Variants in FGD1 observed in about 807,000 individuals in gnomAD.
FGD1 encodes the protein FYVE, RhoGEF and PH domain containing 1.
A neutral mutation model predicts 65.0 loss-of-function variants in FGD1; 12 were observed. That is an observed-to-expected ratio of 0.18 (90% CI 0.12 to 0.30). The LOEUF (loss-of-function observed/expected upper bound fraction) is 0.30. Among genes scored for constraint, FGD1 ranks in the 10% least tolerant of loss-of-function variants. The probability of loss-of-function intolerance (pLI) is 1.00; values close to 1 mark genes in which losing one functional copy is unlikely to be tolerated. For synonymous variants in FGD1, 333 were observed against 343.9 expected, an observed-to-expected ratio of 0.97 and a Z score of 0.35; for missense variants, 542 against 837.6, an observed-to-expected ratio of 0.65 and a Z score of 4.36.
At chrX:54,466,240 G>T (rs12833289) in intron 6 of FGD1, among the ~76,000 whole-genome samples, 3 of 111,907 alleles carry the variant, frequency 2.7e-5, no homozygotes, top group African/African-American at 9.7e-5. Context: ...GAGACAAAGA[G>T]ACCAGGCCTG....
At chrX:54,469,811 TGTAA>T (rs893287293) in intron 4 of FGD1, among the ~76,000 whole-genome samples, 7 of 111,941 alleles carry the variant, frequency 6.3e-5, no homozygotes, top group South Asian at 7.5e-4. Flanking sequence ...TCTCTATGGA[TGTAA>T]GTAAGAGACT....
chrX:54,494,402 CTTTT>C (rs56235590), intron 1 of FGD1, among the ~76,000 whole-genome samples: 2 of 60,728 alleles, frequency 3.3e-5, no homozygotes, highest in East Asian at 6.8e-4. Context: ...CACCGTCTTT[CTTTT>C]TTTTTTTTTT....
At chrX:54,462,445 T>C (rs1464098743) in intron 8 of FGD1, among the ~76,000 whole-genome samples, 1 of 100,553 alleles carries the variant, frequency 9.9e-6, no homozygotes, top group African/African-American at 3.7e-5. Context: ...CAGGTTGGAG[T>C]GCAGTGGCAC....
intron 6 of FGD1, among the ~76,000 whole-genome samples, 195 bp from the exon 7 acceptor site, chrX:54,466,047 A>G (rs1922751146): frequency 8.9e-6 from 1 of 111,981 alleles, no homozygotes; most frequent in Non-Finnish European, 1.9e-5. Flanking sequence ...ACTTCAGACC[A>G]CAGCCTGGGA....
chrX:54,450,047 T>C (rs763003830), intron 13 of FGD1, among the ~76,000 whole-genome samples: 2 of 111,695 alleles, frequency 1.8e-5, no homozygotes, highest in African/African-American at 6.5e-5. Context: ...CCTCACCTTA[T>C]ACACCCTCAG....
intron 17 of FGD1, 31 bp from the exon 18 acceptor site, chrX:54,446,445 C>G: frequency 8.5e-7 from 1 of 1,182,569 alleles, no homozygotes; most frequent in Non-Finnish European, 1.1e-6. Flanking sequence ...GCTGGGGCCA[C>G]CTTGGGGCTA....
At chrX:54,454,219 C>CG (rs1922443056) in intron 12 of FGD1, among the ~76,000 whole-genome samples, 1 of 111,795 alleles carries the variant, frequency 8.9e-6, no homozygotes, top group Non-Finnish European at 1.9e-5. Flanking sequence ...GTCTAGCCTA[C>CG]GACACACCTA....
intron 1 of FGD1, among the ~76,000 whole-genome samples, chrX:54,488,331 A>G (rs758896622): frequency 1.4e-4 from 14 of 99,730 alleles, no homozygotes; most frequent in African/African-American, 5.4e-4. Context: ...CACGCCTGTA[A>G]TCCCAGCACT....
At chrX:54,475,407 C>T (rs1014290232) in intron 1 of FGD1, among the ~76,000 whole-genome samples, 2 of 111,765 alleles carry the variant, frequency 1.8e-5, no homozygotes, top group Non-Finnish European at 3.8e-5. Context: ...CCAGGAGGGG[C>T]GGGTGGACCC....
intron 1 of FGD1, among the ~76,000 whole-genome samples, chrX:54,474,477 G>A (rs952968553): frequency 7.1e-5 from 8 of 112,744 alleles, no homozygotes; most frequent in African/African-American, 2.6e-4. Context: ...CAGCACTGAG[G>A]GAACAGGGTG....
rs1350170293 is a variant in FGD1 at position 54,449,033 on chromosome X, C to T, written c.2275-66G>A. 6.7e-6 allele frequency: 8 copies of T among 1,200,621 alleles called. No homozygotes were observed. The African/African-American group carries it at 1.4e-4, about 21-fold the overall frequency. On this transcript the variant is annotated intron_variant, in intron 15 of 17. Coordinates refer to ENST00000375135, the MANE Select transcript of FGD1 (RefSeq NM_004463.3). ...GTCTTCCCTTCAGCATACCAACTCC[C>T]ACAGCAGACTTGTGGCCTCCCCCCA...
At chrX:54,458,366 C>T (rs949547344) in intron 8 of FGD1, among the ~76,000 whole-genome samples, 2 of 109,786 alleles carry the variant, frequency 1.8e-5, no homozygotes. Flanking sequence ...CATGGCAAAA[C>T]CCCGTCTCTA....
chrX:54,490,002 A>G (rs1923379627), intron 1 of FGD1, among the ~76,000 whole-genome samples: 1 of 112,504 alleles, frequency 8.9e-6, no homozygotes, highest in African/African-American at 3.2e-5. Flanking sequence ...CTATGCAGCC[A>G]TAAAAAAGAA....
At position 54,456,371 on chromosome X, in the gene FGD1, C is replaced by G. The variant is rs1922502202; in HGVS notation, c.1696-5G>C. 5 of 1,211,813 alleles carry G rather than the reference C, an allele frequency of 4.1e-6. No individual in the cohort carries two copies. The East Asian group carries it at 1.2e-4, about 29-fold the overall frequency. On this transcript the variant is annotated splice_region_variant and splice_polypyrimidine_tract_variant and intron_variant, in intron 9 of 17. Coordinates refer to ENST00000375135, the MANE Select transcript of FGD1 (RefSeq NM_004463.3). Reference sequence around the variant, plus strand: ...CAGCAGCTTATGCATTCGCTCCTGGCAAAAGACAGGGAACAAAAGGCACGG... The same window carrying G: ...CAGCAGCTTATGCATTCGCTCCTGGGAAAAGACAGGGAACAAAAGGCACGG...
intron 16 of FGD1, among the ~76,000 whole-genome samples, chrX:54,447,958 C>T (rs1289131925): frequency 9.0e-6 from 1 of 111,236 alleles, no homozygotes; most frequent in East Asian, 2.8e-4. Flanking sequence ...ATGCAAAGTG[C>T]TTAGAATAGT....
chrX:54,493,653 G>T lies in FGD1; in HGVS notation c.307+1473C>A, dbSNP rs149197567. Among the ~76,000 whole-genome samples the T allele has an allele frequency of 4.0e-3, 450 of 111,901 alleles. 3 individuals are homozygous for T. The highest frequency in any genetic ancestry group is 0.014 in the African/African-American group (431 of 30,872). ...GGAGTGCTTGTGGCCTGTTTTGGCA[G>T]CTGCAAAAAGGCACTGGCTTTACAC... On this transcript the variant is annotated intron_variant, in intron 1 of 17. Transcript: ENST00000375135.
chrX:54,455,766 A>G lies in FGD1; in HGVS notation c.1861T>C (p.Tyr621His). ...AGGAGCCGCAGCCTGGGCACGCAGT[A>G]AAGGAGGCGGTCGTTGAACTAGGAA... ...YLILFNDRLL[Y>H]CVPRLRLLGQ... The change falls in exon 11 of 18, where the codon TAC becomes CAC. Residue 621 changes from tyrosine (Y) to histidine (H), a missense_variant. Physicochemically the swap from Tyr to His is moderately conservative, Grantham distance 83. Coordinates refer to ENST00000375135, the MANE Select transcript of FGD1 (RefSeq NM_004463.3). 1 of 1,184,571 alleles carries G rather than the reference A, an allele frequency of 8.4e-7. No homozygotes were observed. Among genetic ancestry groups the G allele is most frequent in the East Asian group, 3.1e-5 (1 of 32,586 alleles).
In FGD1 at chrX:54,471,366, G is replaced by A. The variant is rs1426195217; in HGVS notation, c.429C>T (p.Thr143=). Residue 143 remains threonine (T), a synonymous_variant, in exon 2 of 18, where the codon ACC becomes ACT. Transcript: ENST00000375135. ...TCAGTGGTGAAGGACGCTGGCTAGG[G>A]GTTTCAGTCGGGGGACCTGGGTCTG... ...LRSDPGPPTE[T]PSQRPSPLKR... 1.7e-6 allele frequency: 2 copies of A among 1,211,221 alleles called. No individual in the cohort carries two copies. Among genetic ancestry groups the A allele is most frequent in the Non-Finnish European group, 1.1e-6 (1 of 895,565 alleles).
At position 54,463,489 on chromosome X, in the gene FGD1, C is replaced by A. The variant is rs5915123; in HGVS notation, c.1636+1962G>T. Among the ~76,000 whole-genome samples, 942 of 111,915 alleles carry A rather than the reference C, an allele frequency of 8.4e-3. 5 individuals are homozygous for A. The highest frequency in any genetic ancestry group is 0.041 in the Middle Eastern group (9 of 219). On this transcript the variant is annotated intron_variant, in intron 8 of 17. Transcript: ENST00000375135. Reference sequence around the variant, plus strand: ...CCAACTTTTCTCACTTGGATTATTGCAAAAGGCTTCTAACTGATCTCTCAG... The same window carrying A: ...CCAACTTTTCTCACTTGGATTATTGAAAAAGGCTTCTAACTGATCTCTCAG...
Sources: allele counts gnomAD v4.1 joint callset (sites outside exome capture counted in the v4.1 genomes callset), GRCh38; gene constraint gnomAD v4.1.1; transcripts MANE v1.5; gene names NCBI Gene and HGNC (gene_info 2026-07-23, HGNC 2026-07-21).